Variants in CMIP observed in about 807,000 individuals in gnomAD.
CMIP encodes the protein c-Maf inducing protein.
Under a neutral mutation model 97.3 loss-of-function variants are expected in CMIP, and 13 were observed. The observed-to-expected ratio is 0.13, with a 90% CI of 0.09 to 0.21. The LOEUF (loss-of-function observed/expected upper bound fraction) is 0.21, where lower values mean the gene tolerates loss of function less well. Ranked by LOEUF, CMIP falls within the 10% of genes least tolerant of loss-of-function variation. The pLI is 1.00. For missense variants in CMIP, 847 were observed against 1,024.9 expected (o/e 0.83, Z 2.37); for synonymous variants, 538 against 436.3 (o/e 1.23, Z -2.91).
At chr16:81,672,523 G>A (rs1343023807) in intron 9 of CMIP, among the ~76,000 whole-genome samples, 2 of 152,212 alleles carry the variant, frequency 1.3e-5, no homozygotes, top group African/African-American at 4.8e-5. Flanking sequence ...GGTTTATCCT[G>A]TCTAGTCTTG....
chr16:81,562,714 T>C (rs556517838), intron 1 of CMIP, among the ~76,000 whole-genome samples: 2 of 152,384 alleles, frequency 1.3e-5, no homozygotes, highest in African/African-American at 2.4e-5. Flanking sequence ...CAGTGCCAGA[T>C]GGCACAGAGC....
intron 10 of CMIP, among the ~76,000 whole-genome samples, chr16:81,681,905 A>G (rs1056522090): frequency 1.3e-5 from 2 of 152,132 alleles, no homozygotes; most frequent in Admixed American, 6.5e-5. Flanking sequence ...CTGGTTCTTG[A>G]TAAGAGTAAA....
At chr16:81,582,664 C>G (rs1002848212) in intron 1 of CMIP, among the ~76,000 whole-genome samples, 1 of 152,150 alleles carries the variant, frequency 6.6e-6, no homozygotes, top group African/African-American at 2.4e-5. Flanking sequence ...CTGCCACACT[C>G]TAACTCTTTG....
intron 14 of CMIP, among the ~76,000 whole-genome samples, chr16:81,699,003 G>C (rs936537539): frequency 1.3e-5 from 2 of 152,232 alleles, no homozygotes; most frequent in African/African-American, 4.8e-5. Context: ...TGTAATCCCA[G>C]CACTGTGGGA....
intron 1 of CMIP, among the ~76,000 whole-genome samples, chr16:81,538,152 A>G (rs2090381553): frequency 6.6e-6 from 1 of 152,242 alleles, no homozygotes; most frequent in South Asian, 2.1e-4. Flanking sequence ...AGGCTCAGGC[A>G]AGTAAAATGA....
At chr16:81,568,229 G>A (rs1295699625) in intron 1 of CMIP, among the ~76,000 whole-genome samples, 1 of 152,002 alleles carries the variant, frequency 6.6e-6, no homozygotes, top group East Asian at 1.9e-4. Flanking sequence ...AACTCCAGGG[G>A]GAGAGGGACC....
rs868385361 is a variant in CMIP at position 81,530,207 on chromosome 16, C to T, written c.301-77360C>T. 3.3e-5 allele frequency among the ~76,000 whole-genome samples: 5 copies of T among 152,284 alleles called. No homozygotes were observed. The South Asian group carries it at 1.0e-3, about 32-fold the overall frequency. ...GTCACAGAATCTGATCCATTCCTACCAGGGTCCCACGTCTTATGAGGCTCC... is the reference window on the plus strand; with the variant it reads ...GTCACAGAATCTGATCCATTCCTACTAGGGTCCCACGTCTTATGAGGCTCC... On this transcript the variant is annotated intron_variant, in intron 1 of 20. Transcript: ENST00000537098.
At chr16:81,497,022 G>A (rs759295137) in intron 1 of CMIP, among the ~76,000 whole-genome samples, 10 of 152,236 alleles carry the variant, frequency 6.6e-5, no homozygotes, top group Non-Finnish European at 1.0e-4. Context: ...GCTGGGCCTC[G>A]TAAGGGGTGT....
chr16:81,653,888 C>G (rs1020854297), intron 4 of CMIP, among the ~76,000 whole-genome samples: 7 of 152,084 alleles, frequency 4.6e-5, no homozygotes, highest in African/African-American at 1.7e-4. Flanking sequence ...GAGACAGCCT[C>G]TCTTTTAAAA....
chr16:81,609,092 C>T (rs549641758), intron 2 of CMIP, among the ~76,000 whole-genome samples: 89 of 152,296 alleles, frequency 5.8e-4, no homozygotes, highest in African/African-American at 1.9e-3. Context: ...ACCACGCCTG[C>T]CCCAGTCTGC....
Position 81,709,627 on chromosome 16 carries a change from A to C in CMIP, c.2269-119A>C. The C allele has an allele frequency of 2.7e-6, 3 of 1,128,420 alleles. No homozygotes were observed. In the South Asian group the frequency reaches 4.2e-5, roughly 16 times the overall value. 69.9% of individuals were successfully genotyped at this position (1,128,420 alleles called of 1,614,324 possible). ...TCCAAGAGCCCAGGTAGCCCACAGC[A>C]CCAAGGTGGGGAGAGGGTGGCAGAG... is the stretch of plus-strand genomic sequence containing the variant. On this transcript the variant is annotated intron_variant, in intron 20 of 20. Coordinates refer to ENST00000537098, the MANE Select transcript of CMIP (RefSeq NM_198390.3).
intron 7 of CMIP, chr16:81,667,241 T>C (rs1368541441): frequency 6.6e-6 from 1 of 152,236 alleles, no homozygotes; most frequent in African/African-American, 2.4e-5. Context: ...TCAAAGAATG[T>C]TCTTTACTAG....
rs1420295995 is a variant in CMIP at position 81,626,809 on chromosome 16, GTGT to G, written c.477+5884_477+5886del. ...AGAGAGTGTGTGTGTGTGTGTGTGT[GTGT>G]GTGTGGGGTGCATATGGGGTGACTA... On this transcript the variant is annotated intron_variant, in intron 3 of 20. Transcript: ENST00000537098. Among the ~76,000 whole-genome samples, 351 of 133,038 alleles carry G rather than the reference GTGT, an allele frequency of 2.6e-3. 9 individuals are homozygous for G. The highest frequency in any genetic ancestry group is 6.9e-3 in the Admixed American group (93 of 13,460). 87.3% of individuals were successfully genotyped at this position (133,038 alleles called of 152,430 possible). A position where few individuals can be genotyped will look rare whatever the true frequency, so the allele number is the denominator to read the frequency against.
intron 1 of CMIP, among the ~76,000 whole-genome samples, chr16:81,470,131 T>C (rs1597455632): frequency 6.6e-6 from 1 of 152,232 alleles, no homozygotes; most frequent in Non-Finnish European, 1.5e-5. Context: ...CAGACACAAC[T>C]TTTGACAGTT....
chr16:81,679,564 G>A (rs995099338), intron 10 of CMIP, among the ~76,000 whole-genome samples: 2 of 151,990 alleles, frequency 1.3e-5, no homozygotes, highest in Non-Finnish European at 2.9e-5. Flanking sequence ...GTGGCTGTGC[G>A]TATTTGTGCC....
intron 1 of CMIP, among the ~76,000 whole-genome samples, chr16:81,514,660 GA>G (rs1183133756): frequency 1.3e-5 from 2 of 152,202 alleles, no homozygotes; most frequent in East Asian, 3.9e-4. Context: ...GAGAGCCCAG[GA>G]GAAGGTCATG....
At chr16:81,674,512 AATG>A (rs764121991) in intron 9 of CMIP, among the ~76,000 whole-genome samples, 12 of 152,320 alleles carry the variant, frequency 7.9e-5, no homozygotes, top group Non-Finnish European at 1.8e-4. Flanking sequence ...CCAGTTCTGT[AATG>A]ATATCATATT....
At chr16:81,501,325 G>A (rs939822632) in intron 1 of CMIP, among the ~76,000 whole-genome samples, 1 of 152,262 alleles carries the variant, frequency 6.6e-6, no homozygotes, top group African/African-American at 2.4e-5. Context: ...TGGGACTGGT[G>A]CCTCCTGCTT....
intron 3 of CMIP, among the ~76,000 whole-genome samples, chr16:81,642,769 G>A (rs1385385024): frequency 1.3e-5 from 2 of 152,140 alleles, no homozygotes; most frequent in Non-Finnish European, 2.9e-5. Context: ...GGTGGCGGGC[G>A]CCTGTAGTCC....
Sources: allele counts gnomAD v4.1 joint callset (sites outside exome capture counted in the v4.1 genomes callset), GRCh38; gene constraint gnomAD v4.1.1; transcripts MANE v1.5; gene names NCBI Gene and HGNC (gene_info 2026-07-23, HGNC 2026-07-21).